Variants in PTPRN2 observed in about 807,000 individuals in gnomAD.
PTPRN2 encodes protein tyrosine phosphatase receptor type N2, also known as receptor-type tyrosine-protein phosphatase N2.
A neutral mutation model predicts 118.8 loss-of-function variants in PTPRN2; 74 were observed. That is an observed-to-expected ratio of 0.62 (90% CI 0.52 to 0.76). The LOEUF (loss-of-function observed/expected upper bound fraction) is 0.76, where lower values mean the gene tolerates loss of function less well. Among genes scored for constraint, PTPRN2 ranks in the 30% least tolerant of loss-of-function variants. The pLI is 0.00. For synonymous variants in PTPRN2, 641 were observed against 608.0 expected (o/e 1.05, Z -0.80); for missense variants, 1,481 against 1,394.4 (o/e 1.06, Z -0.99).
At chr7:158,134,604 G>T (rs999270327) in intron 8 of PTPRN2, among the ~76,000 whole-genome samples, 1 of 152,118 alleles carries the variant, frequency 6.6e-6, no homozygotes, top group Non-Finnish European at 1.5e-5. Flanking sequence ...GGAGACGGAG[G>T]CACAAAGCGA....
intron 2 of PTPRN2, among the ~76,000 whole-genome samples, chr7:158,394,654 G>A (rs1812197151): frequency 6.6e-6 from 1 of 152,270 alleles, no homozygotes. Context: ...TTGATGAGGG[G>A]AGCAGATTTT....
intron 12 of PTPRN2, among the ~76,000 whole-genome samples, chr7:157,742,728 T>C (rs1396112162): frequency 6.6e-6 from 1 of 152,232 alleles, no homozygotes; most frequent in African/African-American, 2.4e-5. Context: ...AGCTTTGAAC[T>C]CCTCACATAA....
At chr7:158,498,374 A>C (rs1822105052) in intron 1 of PTPRN2, among the ~76,000 whole-genome samples, 1 of 152,242 alleles carries the variant, frequency 6.6e-6, no homozygotes, top group Admixed American at 6.5e-5. Flanking sequence ...CTTAAGAGTA[A>C]GAAATTGTAC....
intron 2 of PTPRN2, among the ~76,000 whole-genome samples, chr7:158,448,119 C>T (rs951999037): frequency 6.6e-6 from 1 of 152,252 alleles, no homozygotes; most frequent in African/African-American, 2.4e-5. Context: ...TCTGGGACCA[C>T]TCCCAGGATG....
rs11536366 is a variant in PTPRN2, at chr7:157,974,037, G to A, written c.1724-75300C>T. 0.32 allele frequency among the ~76,000 whole-genome samples: 48,531 copies of A among 152,166 alleles called. 8,825 individuals are homozygous for A. Among genetic ancestry groups the A allele is most frequent in the East Asian group, 0.52 (2,702 of 5,172 alleles). On this transcript the variant is annotated intron_variant, in intron 11 of 22. Transcript: ENST00000389418. The surrounding 1 kb of genome is among the most constrained non-coding windows in gnomAD (Gnocchi z 4.0). ...ATATTAGATCTCTCTGACCACTGCT[G>A]TTGACGTTGGCGGGGTAGCAGGTGT... is the stretch of plus-strand genomic sequence containing the variant.
At chr7:158,321,656 C>T (rs10233815) in intron 2 of PTPRN2, among the ~76,000 whole-genome samples, 61,060 of 152,036 alleles carry the variant, frequency 0.4, 12,455 homozygotes, top group Middle Eastern at 0.48. Context: ...CCAAGTCTCA[C>T]TGCTGGCAAC....
intron 12 of PTPRN2, among the ~76,000 whole-genome samples, chr7:157,755,309 T>G (rs1233595259): frequency 6.6e-6 from 1 of 152,234 alleles, no homozygotes; most frequent in East Asian, 1.9e-4. Flanking sequence ...TGCCAAATGT[T>G]GAGAAAATCT....
intron 9 of PTPRN2, among the ~76,000 whole-genome samples, chr7:158,122,693 C>A (rs1321108183): frequency 6.6e-6 from 1 of 152,162 alleles, no homozygotes; most frequent in Non-Finnish European, 1.5e-5. Context: ...AAAAGAGAAA[C>A]CGAGGCTAGA....
intron 12 of PTPRN2, among the ~76,000 whole-genome samples, chr7:157,752,426 T>A (rs1417226548): frequency 6.6e-6 from 1 of 152,120 alleles, no homozygotes; most frequent in Non-Finnish European, 1.5e-5. Flanking sequence ...CCTCGTCCAG[T>A]CTCCCTTCCT....
intron 5 of PTPRN2, among the ~76,000 whole-genome samples, chr7:158,168,489 G>T (rs887043192): frequency 2.1e-4 from 32 of 152,170 alleles, no homozygotes; most frequent in African/African-American, 5.6e-4. Context: ...ACCCTGAAAA[G>T]CTGCTCCCCA....
intron 2 of PTPRN2, among the ~76,000 whole-genome samples, chr7:158,394,068 C>T (rs2151383466): frequency 6.6e-6 from 1 of 151,410 alleles, no homozygotes; most frequent in South Asian, 2.1e-4. Flanking sequence ...CGTGGCCCCC[C>T]TCTGTACCCC....
At chr7:157,830,094 T>TGCTCTTGGTCCCATGG (rs1807460726) in intron 12 of PTPRN2, among the ~76,000 whole-genome samples, 1 of 140,040 alleles carries the variant, frequency 7.1e-6, no homozygotes, top group Non-Finnish European at 1.6e-5. Flanking sequence ...ATGGTGTCCT[T>TGCTCTTGGTCCCATGG]GACCTCCTGT....
At chr7:158,188,007 C>CTA (rs1825315833) in intron 5 of PTPRN2, among the ~76,000 whole-genome samples, 1 of 152,098 alleles carries the variant, frequency 6.6e-6, no homozygotes, top group African/African-American at 2.4e-5. Context: ...AAGATGGGGG[C>CTA]AGTGGTGGAA....
intron 2 of PTPRN2, among the ~76,000 whole-genome samples, chr7:158,372,662 A>G (rs917612574): frequency 6.6e-6 from 1 of 151,624 alleles, no homozygotes; most frequent in African/African-American, 2.4e-5. Flanking sequence ...CCCGGAGCTG[A>G]TCTCCACCAC....
At chr7:158,248,211 A>C (rs1796382516) in intron 3 of PTPRN2, among the ~76,000 whole-genome samples, 1 of 152,098 alleles carries the variant, frequency 6.6e-6, no homozygotes, top group Non-Finnish European at 1.5e-5. Flanking sequence ...TTCCGTCTTG[A>C]CACTCAAACC....
intron 2 of PTPRN2, among the ~76,000 whole-genome samples, chr7:158,329,665 C>A (rs1246314573): frequency 3.9e-5 from 6 of 152,310 alleles, no homozygotes; most frequent in Middle Eastern, 3.4e-3. Flanking sequence ...ATAGGTGGTA[C>A]TTTGAGCAGC....
intron 12 of PTPRN2, among the ~76,000 whole-genome samples, chr7:157,742,827 G>A (rs912921265): frequency 6.6e-6 from 1 of 152,236 alleles, no homozygotes; most frequent in Admixed American, 6.5e-5. Context: ...CCAACTTGGA[G>A]CTTAGTTTCT....
chr7:157,617,836 G>A lies in PTPRN2; in HGVS notation c.2344+3526C>T, dbSNP rs1464773254. The A allele has an allele frequency of 6.6e-6, 1 of 152,240 alleles. No homozygotes were observed. The highest frequency in any genetic ancestry group is 1.9e-4 in the East Asian group (1 of 5,194). 9.4% of individuals were successfully genotyped at this position (152,240 alleles called of 1,614,324 possible). A position where few individuals can be genotyped will look rare whatever the true frequency, so the allele number is the denominator to read the frequency against. On this transcript the variant is annotated intron_variant, in intron 15 of 22. Transcript: ENST00000389418. This position sits in a 1 kb window ranked among gnomAD's most constrained non-coding sequence, Gnocchi z 7.5. ...TTCAGCTCTTCGTTGTCTCTGTCTT[G>A]TCTCTCTGCATTGTTTGTCCTGGTT...
intron 3 of PTPRN2, among the ~76,000 whole-genome samples, chr7:158,312,021 G>A (rs1405854724): frequency 7.0e-6 from 1 of 142,484 alleles, no homozygotes; most frequent in African/African-American, 2.7e-5. Context: ...ACATTCACAT[G>A]CTCACGTGTA....
Sources: gnomAD v4.1 joint callset for allele counts (sites outside exome capture counted in the v4.1 genomes callset) on GRCh38, gnomAD v4.1.1 for gene constraint, Gnocchi (gnomAD v3.1) non-coding constraint, MANE v1.5 for transcripts, NCBI Gene and HGNC (gene_info 2026-07-23, HGNC 2026-07-21) for gene names.